KHDRBS2: variants seen among roughly 807,000 people sequenced by gnomAD.
KHDRBS2 encodes KH domain-containing, RNA-binding, signal transduction-associated protein 2.
In KHDRBS2, 26 loss-of-function variants were observed where a neutral mutation model predicts 44.3. That is an observed-to-expected ratio of 0.59 (90% CI 0.43 to 0.81). KHDRBS2 has a LOEUF of 0.81. Ranked by LOEUF, KHDRBS2 falls within the 40% of genes least tolerant of loss-of-function variation. The pLI is 0.00. For missense variants in KHDRBS2, 476 were observed against 433.1 expected (o/e 1.10, Z -0.88); for synonymous variants, 194 against 151.1 (o/e 1.28, Z -2.08).
the KHDRBS2 span, among the ~76,000 whole-genome samples, chr6:61,600,654 G>A: frequency 0.025 from 3,761 of 152,120 alleles, 71 homozygotes; most frequent in Middle Eastern, 0.086. Context: ...CCGAAGACCC[G>A]GGTCAGAGGG....
rs1302369704 is a variant in KHDRBS2 at position 62,261,626 on chromosome 6, T to A, written c.91+24232A>T. 2.0e-5 allele frequency among the ~76,000 whole-genome samples: 3 copies of A among 151,872 alleles called. No individual in the cohort carries two copies. The South Asian group carries it at 6.2e-4, about 31-fold the overall frequency. On this transcript the variant is annotated intron_variant, in intron 1 of 8. Coordinates refer to ENST00000281156, the MANE Select transcript of KHDRBS2 (RefSeq NM_152688.4). ...CAGCAAGTGCTACAGAAGGAAGAAGTAATGTCTTTTGTTACCATTTTAGGT... is the reference window on the plus strand; with the variant it reads ...CAGCAAGTGCTACAGAAGGAAGAAGAAATGTCTTTTGTTACCATTTTAGGT...
the KHDRBS2 span, among the ~76,000 whole-genome samples, chr6:61,639,940 T>C: frequency 3.9e-5 from 6 of 152,036 alleles, no homozygotes; most frequent in Non-Finnish European, 7.4e-5. Context: ...AACCATAATA[T>C]GTACAGACAT....
At chr6:62,280,192 G>A (rs1360591139) in intron 1 of KHDRBS2, among the ~76,000 whole-genome samples, 1 of 152,230 alleles carries the variant, frequency 6.6e-6, no homozygotes, top group African/African-American at 2.4e-5. Flanking sequence ...AAAGGCTGAA[G>A]AGATGCTTCT....
chr6:61,804,398 ATGTC>A (rs1228743192), intron 6 of KHDRBS2, among the ~76,000 whole-genome samples: 1 of 152,038 alleles, frequency 6.6e-6, no homozygotes, highest in African/African-American at 2.4e-5. Flanking sequence ...CTGGCATTGA[ATGTC>A]TGTGGATTTT....
intron 4 of KHDRBS2, among the ~76,000 whole-genome samples, chr6:61,914,522 G>C (rs1031208052): frequency 3.3e-5 from 5 of 149,398 alleles, no homozygotes; most frequent in African/African-American, 1.2e-4. Context: ...GGTAGGGGGA[G>C]GGGGGAGGGA....
chr6:61,699,194 T>A (rs1223520793), intron 7 of KHDRBS2, among the ~76,000 whole-genome samples: 2 of 152,038 alleles, frequency 1.3e-5, no homozygotes, highest in Non-Finnish European at 2.9e-5. Flanking sequence ...TAGAATAAAT[T>A]ACTCATAGGA....
chr6:61,955,656 A>ACT (rs1766977577), intron 4 of KHDRBS2, among the ~76,000 whole-genome samples: 1 of 148,334 alleles, frequency 6.7e-6, no homozygotes, highest in African/African-American at 2.5e-5. Context: ...GTATGTATGC[A>ACT]TATATGTGTA....
intron 4 of KHDRBS2, among the ~76,000 whole-genome samples, chr6:61,925,914 A>T (rs1373207179): frequency 6.6e-6 from 1 of 152,108 alleles, no homozygotes; most frequent in Non-Finnish European, 1.5e-5. Flanking sequence ...ACTAGGCATT[A>T]TGTTTTGCAT....
chr6:61,988,827 T>G (rs1283891766), intron 3 of KHDRBS2, among the ~76,000 whole-genome samples: 1 of 152,092 alleles, frequency 6.6e-6, no homozygotes, highest in Non-Finnish European at 1.5e-5. Flanking sequence ...AACAACCATA[T>G]CTACACTAAC....
chr6:61,850,177 T>A (rs1035233263), intron 6 of KHDRBS2, among the ~76,000 whole-genome samples: 3 of 152,042 alleles, frequency 2.0e-5, no homozygotes, highest in African/African-American at 7.2e-5. Flanking sequence ...TATTTTAATG[T>A]TGGGAGGACA....
At chr6:62,160,757 G>A (rs145181544) in intron 2 of KHDRBS2, among the ~76,000 whole-genome samples, 28 of 152,166 alleles carry the variant, frequency 1.8e-4, no homozygotes, top group African/African-American at 6.3e-4. Flanking sequence ...TTGAGAGAAG[G>A]TGATGACTTA....
chr6:61,931,070 T>C (rs1809950677), intron 4 of KHDRBS2, among the ~76,000 whole-genome samples: 2 of 152,122 alleles, frequency 1.3e-5, no homozygotes, highest in South Asian at 4.1e-4. Flanking sequence ...TTCAATCATA[T>C]TACACATATA....
intron 3 of KHDRBS2, among the ~76,000 whole-genome samples, chr6:62,029,823 T>C (rs1468431939): frequency 3.3e-5 from 5 of 152,028 alleles, no homozygotes; most frequent in African/African-American, 1.2e-4. Context: ...TTTAATGCCA[T>C]AGATAAAATT....
At chr6:61,580,023 C>T in the KHDRBS2 span, among the ~76,000 whole-genome samples, 351 of 152,230 alleles carry the variant, frequency 2.3e-3, 3 homozygotes, top group African/African-American at 8.0e-3. Context: ...AGCCATCGCA[C>T]TCCAGCCTGG....
chr6:62,258,056 G>C (rs1837698353), intron 1 of KHDRBS2, among the ~76,000 whole-genome samples: 1 of 151,952 alleles, frequency 6.6e-6, no homozygotes, highest in Non-Finnish European at 1.5e-5. Flanking sequence ...GAATACCTAT[G>C]TTAGCAGTTA....
chr6:62,219,870 T>TTA (rs1209442159), intron 1 of KHDRBS2, among the ~76,000 whole-genome samples: 5 of 147,364 alleles, frequency 3.4e-5, no homozygotes, highest in Admixed American at 1.4e-4. Flanking sequence ...GTGCATAGTT[T>TTA]TATATATATA....
At chr6:62,034,176 A>T (rs1470898912) in intron 3 of KHDRBS2, among the ~76,000 whole-genome samples, 1 of 151,938 alleles carries the variant, frequency 6.6e-6, no homozygotes, top group Non-Finnish European at 1.5e-5. Flanking sequence ...CATAATAAAA[A>T]GTCTCTCCAT....
intron 6 of KHDRBS2, among the ~76,000 whole-genome samples, chr6:61,808,207 A>G (rs2127591781): frequency 6.6e-6 from 1 of 152,198 alleles, no homozygotes; most frequent in South Asian, 2.1e-4. Context: ...AATCTATGAA[A>G]CTGATTAATC....
chr6:61,568,354 TG>T, the KHDRBS2 span, among the ~76,000 whole-genome samples: 503 of 152,298 alleles, frequency 3.3e-3, 4 homozygotes, highest in African/African-American at 0.011. Context: ...AATTTTAGGA[TG>T]TTTTTTTCTA....
Sources: allele counts gnomAD v4.1 joint callset (sites outside exome capture counted in the v4.1 genomes callset), GRCh38; gene constraint gnomAD v4.1.1; transcripts MANE v1.5; gene names NCBI Gene and HGNC (gene_info 2026-07-23, HGNC 2026-07-21).